CACNA2D3: variants seen among roughly 807,000 people sequenced by gnomAD.
CACNA2D3 encodes calcium voltage-gated channel auxiliary subunit alpha2delta 3.
Under a neutral mutation model 160.6 loss-of-function variants are expected in CACNA2D3, and 60 were observed. The ratio of observed to expected loss-of-function variants is 0.37; its 90% CI spans 0.30 to 0.46. The LOEUF (loss-of-function observed/expected upper bound fraction) is 0.46, where lower values mean the gene tolerates loss of function less well. Ranked by LOEUF, CACNA2D3 falls within the 20% of genes least tolerant of loss-of-function variation. The pLI, the probability that CACNA2D3 is intolerant of heterozygous loss-of-function variation, is 1.00. For missense variants in CACNA2D3, 1,205 were observed against 1,365.0 expected, an observed-to-expected ratio of 0.88 and a Z score of 1.85; for synonymous variants, 558 against 492.9, an observed-to-expected ratio of 1.13 and a Z score of -1.75.
intron 14 of CACNA2D3, among the ~76,000 whole-genome samples, chr3:54,821,660 CTTTCTT>C (rs1347247327): frequency 5.8e-5 from 6 of 102,666 alleles, no homozygotes; most frequent in Non-Finnish European, 1.3e-4. Flanking sequence ...TTCTTTCTTT[CTTTCTT>C]TCTTTCTTTC....
chr3:54,810,132 C>T (rs1179957153), intron 13 of CACNA2D3, among the ~76,000 whole-genome samples: 1 of 152,100 alleles, frequency 6.6e-6, no homozygotes, highest in East Asian at 1.9e-4. Flanking sequence ...GTTGTCGGGG[C>T]AGAGCATTAA....
intron 11 of CACNA2D3, among the ~76,000 whole-genome samples, chr3:54,675,177 A>G (rs1700218283): frequency 1.3e-5 from 2 of 152,306 alleles, no homozygotes; most frequent in Admixed American, 1.3e-4. Context: ...GCTGCATGGT[A>G]TGCAGGGTTT....
rs186540534 is a variant in CACNA2D3, at chr3:54,917,148, T to C, written c.2449+17280T>C. ...TTTAAGAAAACCTAGCATGAGAAAA[T>C]GCAAAATTTACAAAATGCATAAATC... On this transcript the variant is annotated intron_variant, in intron 27 of 37. Transcript: ENST00000474759. 1.9e-3 allele frequency among the ~76,000 whole-genome samples: 287 copies of C among 152,282 alleles called. 1 individual carries two copies. The highest frequency in any genetic ancestry group is 6.7e-3 in the African/African-American group (277 of 41,552).
At chr3:54,329,274 G>A (rs1704191775) in intron 3 of CACNA2D3, among the ~76,000 whole-genome samples, 1 of 152,040 alleles carries the variant, frequency 6.6e-6, no homozygotes. Flanking sequence ...TGGCCCCAGT[G>A]CCTACTACGG....
At chr3:54,713,482 CTGTG>C (rs1402443688) in intron 11 of CACNA2D3, among the ~76,000 whole-genome samples, 1 of 152,172 alleles carries the variant, frequency 6.6e-6, no homozygotes, top group Non-Finnish European at 1.5e-5. Flanking sequence ...GTTGTATAGC[CTGTG>C]TAAGAGAAGG....
chr3:54,159,965 A>C (rs1700312848), intron 2 of CACNA2D3, among the ~76,000 whole-genome samples: 1 of 152,220 alleles, frequency 6.6e-6, no homozygotes, highest in South Asian at 2.1e-4. Flanking sequence ...TATTTTATAA[A>C]TTGTTTTAAT....
At chr3:54,950,929 G>A (rs1400727405) in intron 27 of CACNA2D3, among the ~76,000 whole-genome samples, 1 of 152,204 alleles carries the variant, frequency 6.6e-6, no homozygotes, top group Non-Finnish European at 1.5e-5. Context: ...GATACTCTCT[G>A]GGCTCAGTGG....
At chr3:54,533,851 A>G (rs533290798) in intron 5 of CACNA2D3, among the ~76,000 whole-genome samples, 87 of 152,074 alleles carry the variant, frequency 5.7e-4, no homozygotes, top group African/African-American at 2.0e-3. Flanking sequence ...TAAATGTTGA[A>G]GCAAGTGGGA....
intron 14 of CACNA2D3, among the ~76,000 whole-genome samples, chr3:54,823,369 ATTAT>A (rs1273914264): frequency 2.0e-5 from 3 of 151,364 alleles, no homozygotes; most frequent in Non-Finnish European, 4.4e-5. Context: ...ATTACATTTT[ATTAT>A]TAACTTTTTT....
At chr3:54,228,953 G>A (rs575772381) in intron 2 of CACNA2D3, among the ~76,000 whole-genome samples, 1 of 152,316 alleles carries the variant, frequency 6.6e-6, no homozygotes, top group Admixed American at 6.5e-5. Context: ...ACATTTGTGT[G>A]TCTCAGATAC....
rs1406114147 is a variant in CACNA2D3 at position 54,714,633 on chromosome 3, T to C, written c.1168-37966T>C. ...CAACTTGTTTCGTATGTTTACACTC[T>C]TGACAAAAATTTTACAATCATAGAC... On this transcript the variant is annotated intron_variant, in intron 11 of 37. Transcript: ENST00000474759. Among the ~76,000 whole-genome samples the C allele has an allele frequency of 3.3e-5, 5 of 152,176 alleles. No individual in the cohort carries two copies. In the East Asian group the frequency reaches 9.6e-4, roughly 29 times the overall value.
At chr3:54,147,875 C>T (rs954878345) in intron 2 of CACNA2D3, among the ~76,000 whole-genome samples, 33 of 152,200 alleles carry the variant, frequency 2.2e-4, no homozygotes, top group African/African-American at 7.5e-4. Context: ...GGCACCATCT[C>T]GGCTCACCAC....
At chr3:54,413,762 T>A (rs7638153) in intron 4 of CACNA2D3, among the ~76,000 whole-genome samples, 2 of 150,766 alleles carry the variant, frequency 1.3e-5, no homozygotes, top group African/African-American at 4.9e-5. Context: ...TTTTATTTTC[T>A]ATTTCTTTGC....
At chr3:54,387,536 C>G (rs1699208546) in intron 4 of CACNA2D3, among the ~76,000 whole-genome samples, 1 of 152,146 alleles carries the variant, frequency 6.6e-6, no homozygotes, top group African/African-American at 2.4e-5. Flanking sequence ...CCTGTAATCC[C>G]AGCTACTTGG....
intron 2 of CACNA2D3, among the ~76,000 whole-genome samples, chr3:54,319,956 G>T (rs551878780): frequency 6.6e-6 from 1 of 152,268 alleles, no homozygotes; most frequent in East Asian, 1.9e-4. Flanking sequence ...TCTTGTGATT[G>T]GTTGCTGAAG....
intron 4 of CACNA2D3, among the ~76,000 whole-genome samples, chr3:54,408,463 T>C (rs1007784360): frequency 6.6e-6 from 1 of 152,198 alleles, no homozygotes; most frequent in Admixed American, 6.5e-5. Flanking sequence ...GTTTTTTCCC[T>C]GAAAACAGAA....
chr3:54,215,182 T>C (rs1270230849), intron 2 of CACNA2D3, among the ~76,000 whole-genome samples: 2 of 152,198 alleles, frequency 1.3e-5, no homozygotes, highest in Non-Finnish European at 2.9e-5. Flanking sequence ...CATTCAAATA[T>C]CCTACCCCCC....
intron 27 of CACNA2D3, among the ~76,000 whole-genome samples, chr3:54,933,805 C>T (rs894665724): frequency 3.3e-5 from 5 of 150,420 alleles, no homozygotes; most frequent in African/African-American, 1.2e-4. Context: ...GTCATCCAGG[C>T]CACTGCAGGC....
chr3:54,852,139 C>CCCCT (rs1223851380), intron 17 of CACNA2D3, among the ~76,000 whole-genome samples: 1 of 152,228 alleles, frequency 6.6e-6, no homozygotes, highest in Non-Finnish European at 1.5e-5. Context: ...GTGGCCACCA[C>CCCCT]CCCTCCCTCC....
Sources: allele counts gnomAD v4.1 joint callset (sites outside exome capture counted in the v4.1 genomes callset), GRCh38; gene constraint gnomAD v4.1.1; transcripts MANE v1.5; gene names NCBI Gene and HGNC (gene_info 2026-07-23, HGNC 2026-07-21).